Variants in KDM4B observed in about 807,000 individuals in gnomAD.
The protein encoded by KDM4B is lysine-specific demethylase 4B.
KDM4B carries 32 observed loss-of-function variants against 125.2 expected under a neutral mutation model. The ratio of observed to expected loss-of-function variants is 0.26; its 90% CI spans 0.19 to 0.34. KDM4B has a LOEUF of 0.34. Ranked by LOEUF, KDM4B falls within the 10% of genes least tolerant of loss-of-function variation. The pLI is 1.00. For missense variants in KDM4B, 1,190 were observed against 1,577.7 expected (o/e 0.75, Z 4.16); for synonymous variants, 721 against 677.9 (o/e 1.06, Z -0.99).
At chr19:5,085,730 G>C (rs1295705516) in intron 9 of KDM4B, among the ~76,000 whole-genome samples, 1 of 152,224 alleles carries the variant, frequency 6.6e-6, no homozygotes, top group Non-Finnish European at 1.5e-5. Context: ...CCTGGCCTGG[G>C]CGGCGAGGGC....
At chr19:5,113,104 G>A (rs2039183114) in intron 10 of KDM4B, 1 of 152,278 alleles carries the variant, frequency 6.6e-6, no homozygotes, top group Non-Finnish European at 1.5e-5. Flanking sequence ...CACGCAGGAA[G>A]TGGACCCCCC....
chr19:5,037,226 C>T (rs1213084284), intron 3 of KDM4B, among the ~76,000 whole-genome samples: 1 of 152,198 alleles, frequency 6.6e-6, no homozygotes, highest in African/African-American at 2.4e-5. Flanking sequence ...GTTCATGGAA[C>T]CCTCCTGCAG....
At position 4,997,300 on chromosome 19, in the gene KDM4B, C is replaced by T. The variant is rs184755072; in HGVS notation, c.-108-18957C>T. ...GATGTTTTCAAGTTGCCTGATGTGT[C>T]CTTCCCTTTAGGGCTTCCGAGTTTG... On this transcript the variant is annotated intron_variant, in intron 1 of 22. Coordinates refer to ENST00000159111, the MANE Select transcript of KDM4B (RefSeq NM_015015.3). The surrounding 1 kb of genome is among the most constrained non-coding windows in gnomAD (Gnocchi z 4.2). Among the ~76,000 whole-genome samples, 621 of 152,262 alleles carry T rather than the reference C, an allele frequency of 4.1e-3. 4 individuals carry two copies. The highest frequency in any genetic ancestry group is 0.012 in the Admixed American group (178 of 15,298).
chr19:5,125,557 C>T (rs962567654), intron 11 of KDM4B, among the ~76,000 whole-genome samples: 1 of 152,218 alleles, frequency 6.6e-6, no homozygotes, highest in African/African-American at 2.4e-5. Context: ...CAGGGCAACT[C>T]GCTCCCTCCC....
At chr19:5,096,547 TC>T (rs1244396080) in intron 9 of KDM4B, among the ~76,000 whole-genome samples, 4 of 152,146 alleles carry the variant, frequency 2.6e-5, no homozygotes, top group African/African-American at 9.7e-5. Context: ...GTTTCTCACT[TC>T]CGTGCGATGT....
intron 6 of KDM4B, among the ~76,000 whole-genome samples, chr19:5,058,290 G>A (rs2037472511): frequency 6.6e-6 from 1 of 152,248 alleles, no homozygotes; most frequent in African/African-American, 2.4e-5. Context: ...AGGAGCAGAA[G>A]CCATTGGGAA....
chr19:5,125,202 G>A (rs1321532933), intron 11 of KDM4B, among the ~76,000 whole-genome samples: 1 of 152,182 alleles, frequency 6.6e-6, no homozygotes. Flanking sequence ...TTTCATTAAT[G>A]TGACTAACTG....
Position 5,115,610 on chromosome 19 carries a change from C to T in KDM4B, c.1116-4043C>T, listed in dbSNP as rs2039239945. ...GCCAGGGGACCCGACACATTGGAGG[C>T]TGCGCTCCCATGACAAAGGCAGGGC... is the stretch of plus-strand genomic sequence containing the variant. On this transcript the variant is annotated intron_variant, in intron 10 of 22. Transcript: ENST00000159111. The surrounding 1 kb of genome is among the most constrained non-coding windows in gnomAD (Gnocchi z 4.2). Among the ~76,000 whole-genome samples the T allele has an allele frequency of 6.6e-6, 1 of 152,258 alleles. No homozygotes were observed. Among genetic ancestry groups the T allele is most frequent in the Non-Finnish European group, 1.5e-5 (1 of 68,052 alleles).
intron 21 of KDM4B, among the ~76,000 whole-genome samples, chr19:5,148,188 A>G (rs1009663354): frequency 3.3e-5 from 5 of 152,246 alleles, no homozygotes; most frequent in Admixed American, 2.0e-4. Flanking sequence ...TGTAGCTGCA[A>G]GTATATCCAG....
intron 1 of KDM4B, among the ~76,000 whole-genome samples, chr19:4,985,697 G>A (rs895217305): frequency 1.3e-5 from 2 of 152,250 alleles, no homozygotes; most frequent in Non-Finnish European, 2.9e-5. Flanking sequence ...TGCAGTGGAA[G>A]CCTGGATGGT....
rs562561235 is a variant in KDM4B at position 5,122,882 on chromosome 19, C to T, written c.1315+3030C>T. ...TGCCCAGCCCTGGAAGCCGGTGCAG[C>T]GGGCAGCCCAGTCCCCTGTTGCCTG... On this transcript the variant is annotated intron_variant, in intron 11 of 22. Transcript: ENST00000159111. 2.1e-3 allele frequency among the ~76,000 whole-genome samples: 323 copies of T among 152,342 alleles called. 1 individual carries two copies. Among genetic ancestry groups the T allele is most frequent in the Non-Finnish European group, 3.0e-3 (205 of 68,028 alleles).
intron 9 of KDM4B, among the ~76,000 whole-genome samples, chr19:5,094,942 T>G (rs1052120701): frequency 2.0e-5 from 3 of 152,038 alleles, no homozygotes; most frequent in African/African-American, 7.3e-5. Context: ...CCTGTCACCG[T>G]GCAGCTGATG....
chr19:4,974,414 A>G (rs149883464), intron 1 of KDM4B, among the ~76,000 whole-genome samples: 2,539 of 151,672 alleles, frequency 0.017, 80 homozygotes, highest in African/African-American at 0.056. Context: ...AAATAAATAA[A>G]TAAGTAAGTA....
At chr19:4,993,740 A>G (rs1181139620) in intron 1 of KDM4B, among the ~76,000 whole-genome samples, 2 of 151,746 alleles carry the variant, frequency 1.3e-5, no homozygotes, top group Admixed American at 1.3e-4. Context: ...CATCCTAAGT[A>G]GCTGGGACTA....
chr19:5,123,427 A>ATTCCCCCC (rs2039397087), intron 11 of KDM4B, among the ~76,000 whole-genome samples: 1 of 152,050 alleles, frequency 6.6e-6, no homozygotes, highest in South Asian at 2.1e-4. Context: ...GTCTGTCCAG[A>ATTCCCCCC]TTCCCCCCTT....
intron 2 of KDM4B, among the ~76,000 whole-genome samples, chr19:5,024,989 C>A (rs996842329): frequency 6.6e-6 from 1 of 152,204 alleles, no homozygotes; most frequent in Non-Finnish European, 1.5e-5. Context: ...ATACAATTTG[C>A]GAACCATACA....
At chr19:5,084,611 A>G (rs1216875440) in intron 9 of KDM4B, among the ~76,000 whole-genome samples, 1 of 144,148 alleles carries the variant, frequency 6.9e-6, no homozygotes, top group Non-Finnish European at 1.5e-5. Flanking sequence ...AATTATATAT[A>G]TAACATAATT....
At chr19:5,119,178 T>C (rs1599224633) in intron 10 of KDM4B, 1 of 1,535,358 alleles carries the variant, frequency 6.5e-7, no homozygotes, top group Non-Finnish European at 8.7e-7. Context: ...GGAAACCAAG[T>C]CTAGAAAGGA....
intron 1 of KDM4B, among the ~76,000 whole-genome samples, chr19:4,993,571 T>G (rs998807589): frequency 2.6e-5 from 4 of 152,198 alleles, no homozygotes; most frequent in Admixed American, 2.6e-4. Context: ...ATTCACCTTT[T>G]TATCATTATA....
Sources: gnomAD v4.1 joint callset for allele counts (sites outside exome capture counted in the v4.1 genomes callset) on GRCh38, gnomAD v4.1.1 for gene constraint, Gnocchi (gnomAD v3.1) non-coding constraint, MANE v1.5 for transcripts, NCBI Gene and HGNC (gene_info 2026-07-23, HGNC 2026-07-21) for gene names.